The following NSRP1 variants were observed in gnomAD, a reference collection of about 807,000 sequenced individuals.
The protein encoded by NSRP1 is nuclear speckle splicing regulatory protein 1, also known as coiled-coil domain containing 55.
Under a neutral mutation model 54.7 loss-of-function variants are expected in NSRP1, and 24 were observed. The observed-to-expected ratio is 0.44, with a 90% confidence interval of 0.32 to 0.62. NSRP1 has a LOEUF of 0.62. NSRP1 is among the 20% of genes least tolerant of loss of function. The probability of loss-of-function intolerance (pLI) is 0.06; values close to 1 mark genes in which losing one functional copy is unlikely to be tolerated. For synonymous variants in NSRP1, 210 were observed against 213.8 expected (o/e 0.98, Z 0.15); for missense variants, 596 against 651.2 (o/e 0.92, Z 0.92).
At chr17:30,132,381 C>T (rs559017087) in intron 2 of NSRP1, among the ~76,000 whole-genome samples, 32 of 152,062 alleles carry the variant, frequency 2.1e-4, no homozygotes, top group Admixed American at 1.1e-3. Context: ...GGTGAAACCC[C>T]GTCTCTACTA....
At chr17:30,143,713 CAT>C (rs1472504374) in intron 2 of NSRP1, among the ~76,000 whole-genome samples, 30 of 152,192 alleles carry the variant, frequency 2.0e-4, no homozygotes, top group Admixed American at 2.6e-4. Context: ...AATTGGAAAA[CAT>C]GTCATTAATT....
chr17:30,164,104 G>T (rs1354126210), intron 2 of NSRP1, among the ~76,000 whole-genome samples: 2 of 151,932 alleles, frequency 1.3e-5, no homozygotes, highest in Non-Finnish European at 2.9e-5. Flanking sequence ...TTTTTTGTGG[G>T]TTCCTTTCTT....
chr17:30,171,607 A>G (rs1904935927), intron 2 of NSRP1, among the ~76,000 whole-genome samples: 1 of 152,018 alleles, frequency 6.6e-6, no homozygotes, highest in Non-Finnish European at 1.5e-5. Flanking sequence ...GCGCCTGGCC[A>G]TATATTGTGA....
chr17:30,171,960 ACACACACACACACTCC>A (rs1389260028), intron 2 of NSRP1, among the ~76,000 whole-genome samples: 2 of 135,282 alleles, frequency 1.5e-5, no homozygotes, highest in African/African-American at 5.6e-5. Flanking sequence ...ACACACACAC[ACACACACACACACTCC>A]CTCTCTCTCT....
intron 2 of NSRP1, among the ~76,000 whole-genome samples, chr17:30,131,942 ATTC>A (rs774299170): frequency 1.3e-5 from 2 of 152,146 alleles, no homozygotes; most frequent in African/African-American, 4.8e-5. Context: ...CCATGAGTAG[ATTC>A]TATATAAAGA....
intron 6 of NSRP1, among the ~76,000 whole-genome samples, chr17:30,183,782 A>T (rs1221881847): frequency 6.6e-6 from 1 of 152,168 alleles, no homozygotes; most frequent in African/African-American, 2.4e-5. Flanking sequence ...TTTTGTTGTG[A>T]TAGGTGCCAA....
chr17:30,181,597 G>T (rs1203923520), intron 6 of NSRP1, among the ~76,000 whole-genome samples: 19 of 135,372 alleles, frequency 1.4e-4, no homozygotes, highest in African/African-American at 4.1e-4. Context: ...TGTGTGTGTG[G>T]TTTTTTTTTT....
Position 30,155,699 on chromosome 17 carries a change from TC to T in NSRP1, c.115-16842del, listed in dbSNP as rs2071955483. The stretch of plus-strand genomic sequence containing the variant: ...TAGCTAGGACTACAGACGTACACCA[TC>T]GTGTGGCTTTTTTCTTTTTTTAAGC... On this transcript the variant is annotated intron_variant, in intron 2 of 6. Coordinates refer to ENST00000247026, the MANE Select transcript of NSRP1 (RefSeq NM_032141.4). Among the ~76,000 whole-genome samples the T allele has an allele frequency of 5.3e-5, 8 of 152,042 alleles. No individual in the cohort carries two copies. The South Asian group carries it at 1.7e-3, about 32-fold the overall frequency.
intron 2 of NSRP1, among the ~76,000 whole-genome samples, chr17:30,162,610 T>C (rs1470042094): frequency 1.3e-5 from 2 of 152,244 alleles, no homozygotes; most frequent in East Asian, 1.9e-4. Context: ...TGTTTTTGTT[T>C]AGCTAAGAGC....
chr17:30,175,736 T>G (rs1400358162), intron 3 of NSRP1, among the ~76,000 whole-genome samples: 1 of 152,246 alleles, frequency 6.6e-6, no homozygotes, highest in Non-Finnish European at 1.5e-5. Context: ...TCCAAGACAC[T>G]GCACTGTATT....
chr17:30,122,382 T>TAC (rs1567788581), intron 2 of NSRP1: 1 of 34,148 alleles, frequency 2.9e-5, no homozygotes, highest in African/African-American at 9.6e-5. Context: ...TATATATATA[T>TAC]ATATTTTTTT....
At chr17:30,172,018 A>ACACG (rs1269833970) in intron 2 of NSRP1, among the ~76,000 whole-genome samples, 1 of 48,488 alleles carries the variant, frequency 2.1e-5, no homozygotes, top group Non-Finnish European at 6.4e-5. Flanking sequence ...TCTCTCTCAC[A>ACACG]TGTTCACATG....
intron 2 of NSRP1, among the ~76,000 whole-genome samples, chr17:30,140,655 G>C (rs968994830): frequency 1.3e-5 from 2 of 148,832 alleles, no homozygotes; most frequent in Admixed American, 6.9e-5. Context: ...CAGCTTCCCT[G>C]AGTAGCTGGG....
At chr17:30,119,370 G>A (rs1287976372) in intron 2 of NSRP1, among the ~76,000 whole-genome samples, 2 of 151,534 alleles carry the variant, frequency 1.3e-5, no homozygotes, top group Non-Finnish European at 2.9e-5. Flanking sequence ...CCACCACCAC[G>A]CCCAGCTAAT....
intron 2 of NSRP1, among the ~76,000 whole-genome samples, chr17:30,157,261 T>C (rs1189236321): frequency 6.6e-6 from 1 of 152,210 alleles, no homozygotes; most frequent in Admixed American, 6.5e-5. Flanking sequence ...CATTTTTTTA[T>C]ATACCTGTTG....
At chr17:30,117,240 A>G in intron 1 of NSRP1, 1 of 614,424 alleles carries the variant, frequency 1.6e-6, no homozygotes. Context: ...GCTTCCTTAG[A>G]GGGCCTTGTT....
intron 3 of NSRP1, among the ~76,000 whole-genome samples, chr17:30,173,971 A>G (rs1013465233): frequency 1.3e-5 from 2 of 152,244 alleles, no homozygotes; most frequent in Non-Finnish European, 2.9e-5. Context: ...ATATACACAT[A>G]AAACATAAAA....
chr17:30,118,679 G>A (rs1254083520), intron 2 of NSRP1, among the ~76,000 whole-genome samples: 3 of 151,164 alleles, frequency 2.0e-5, no homozygotes, highest in African/African-American at 4.9e-5. Context: ...TATTTTAGCA[G>A]CCAAAACTAC....
chr17:30,122,122 C>T (rs1173239468), intron 2 of NSRP1, among the ~76,000 whole-genome samples: 41 of 151,758 alleles, frequency 2.7e-4, no homozygotes, highest in Non-Finnish European at 8.8e-5. Context: ...TGTAACGTGT[C>T]AGTACTCTTT....
Sources: gnomAD v4.1 joint callset for allele counts (sites outside exome capture counted in the v4.1 genomes callset) on GRCh38, gnomAD v4.1.1 for gene constraint, MANE v1.5 for transcripts, NCBI Gene and HGNC (gene_info 2026-07-23, HGNC 2026-07-21) for gene names.